CNBD1: variants seen among roughly 807,000 people sequenced by gnomAD.
CNBD1 encodes the protein cyclic nucleotide-binding domain-containing protein 1.
CNBD1 carries 71 observed loss-of-function variants against 54.4 expected under a neutral mutation model. That is an observed-to-expected ratio of 1.30 (90% confidence interval 1.08 to 1.59). The LOEUF (loss-of-function observed/expected upper bound fraction) is 1.59. CNBD1 is among the 40% of genes most tolerant of loss of function. The pLI, the probability that CNBD1 is intolerant of heterozygous loss-of-function variation, is 0.00. For synonymous variants in CNBD1, 182 were observed against 170.7 expected, an observed-to-expected ratio of 1.07 and a Z score of -0.51; for missense variants, 659 against 518.0, an observed-to-expected ratio of 1.27 and a Z score of -2.64.
At chr8:87,279,263 A>G (rs1186249972) in intron 6 of CNBD1, among the ~76,000 whole-genome samples, 1 of 151,568 alleles carries the variant, frequency 6.6e-6, no homozygotes, top group South Asian at 2.1e-4. Flanking sequence ...ACTAATCAAC[A>G]AAATGATAAT....
At chr8:87,269,232 G>A (rs1349993795) in intron 6 of CNBD1, among the ~76,000 whole-genome samples, 1 of 151,892 alleles carries the variant, frequency 6.6e-6, no homozygotes, top group East Asian at 1.9e-4. Flanking sequence ...GGTGGCTGTA[G>A]GTATATGGCT....
intron 10 of CNBD1, among the ~76,000 whole-genome samples, chr8:87,356,132 AC>A (rs1810415554): frequency 6.6e-6 from 1 of 152,118 alleles, no homozygotes; most frequent in South Asian, 2.1e-4. Context: ...AGCCAAATAA[AC>A]TTCTTTTCTT....
chr8:87,397,843 G>A (rs934204530), intron 2 of CNBD1, among the ~76,000 whole-genome samples: 3 of 152,070 alleles, frequency 2.0e-5, no homozygotes, highest in Middle Eastern at 3.4e-3. Flanking sequence ...TTCCCATGTT[G>A]TTCTCATGAT....
intron 2 of CNBD1, among the ~76,000 whole-genome samples, chr8:87,412,784 A>G (rs1465265844): frequency 6.6e-6 from 1 of 151,212 alleles, no homozygotes; most frequent in Non-Finnish European, 1.5e-5. Flanking sequence ...TTTAAAGGGG[A>G]AACATCAAGA....
intron 4 of CNBD1, among the ~76,000 whole-genome samples, chr8:86,963,644 G>T (rs1449537595): frequency 1.3e-5 from 2 of 152,178 alleles, no homozygotes; most frequent in Non-Finnish European, 1.5e-5. Flanking sequence ...CTACGAAGGT[G>T]ACAACTAAGA....
chr8:87,205,291 C>G (rs936009558), intron 4 of CNBD1, among the ~76,000 whole-genome samples: 1 of 152,116 alleles, frequency 6.6e-6, no homozygotes, highest in African/African-American at 2.4e-5. Context: ...CTCGGCCTCC[C>G]AAAGTGCTAG....
At chr8:87,332,752 C>T (rs1036983006) in intron 8 of CNBD1, among the ~76,000 whole-genome samples, 3 of 152,082 alleles carry the variant, frequency 2.0e-5, no homozygotes, top group African/African-American at 7.2e-5. Context: ...TGTTTTTGTA[C>T]AAGTACCATG....
At chr8:87,115,474 G>A (rs1811749464) in intron 4 of CNBD1, among the ~76,000 whole-genome samples, 1 of 152,102 alleles carries the variant, frequency 6.6e-6, no homozygotes. Flanking sequence ...ATGAAAATGG[G>A]CAGATTTTCA....
chr8:87,382,514 C>T (rs934995380), intron 10 of CNBD1, 106 bp from the exon 11 acceptor site: 7 of 808,974 alleles, frequency 8.7e-6, no homozygotes, highest in Non-Finnish European at 1.4e-5. Context: ...AAGCATAACC[C>T]CTCTGACTCA....
At chr8:86,968,440 T>C (rs1421417487) in intron 4 of CNBD1, among the ~76,000 whole-genome samples, 1 of 152,166 alleles carries the variant, frequency 6.6e-6, no homozygotes, top group Non-Finnish European at 1.5e-5. Context: ...TTTTCTCTTT[T>C]AGAGACAAGA....
intron 4 of CNBD1, among the ~76,000 whole-genome samples, chr8:87,025,908 T>G (rs1031331420): frequency 3.9e-5 from 6 of 152,162 alleles, no homozygotes; most frequent in African/African-American, 1.4e-4. Context: ...CAGGATGAAT[T>G]GATGAGGATG....
chr8:86,947,339 G>T (rs563775069), intron 4 of CNBD1, among the ~76,000 whole-genome samples: 1 of 152,156 alleles, frequency 6.6e-6, no homozygotes, highest in African/African-American at 2.4e-5. Context: ...TCCATTTGTG[G>T]TTCTGAGGAA....
intron 4 of CNBD1, among the ~76,000 whole-genome samples, chr8:87,024,238 C>CA (rs1337825731): frequency 1.1e-4 from 5 of 45,016 alleles, no homozygotes; most frequent in Admixed American, 2.3e-4. Context: ...GACTCCATCT[C>CA]AAAAAAAAAG....
intron 10 of CNBD1, among the ~76,000 whole-genome samples, chr8:87,366,235 C>A (rs780604827): frequency 6.6e-5 from 10 of 152,064 alleles, no homozygotes; most frequent in Non-Finnish European, 1.5e-4. Flanking sequence ...TGGCTAAAAT[C>A]TAAGTGTTGG....
rs1377400661 is a variant in CNBD1 at position 87,382,711 on chromosome 8, T to A, written c.*84T>A. The A allele has an allele frequency of 4.7e-6, 5 of 1,060,286 alleles. No individual in the cohort carries two copies. The highest frequency in any genetic ancestry group is 5.6e-6 in the Non-Finnish European group (4 of 720,480). 65.7% of individuals were successfully genotyped at this position (1,060,286 alleles called of 1,614,324 possible). On this transcript the variant is annotated 3_prime_UTR_variant, in exon 11 of 11. Coordinates refer to ENST00000518476, the MANE Select transcript of CNBD1 (RefSeq NM_173538.3). The stretch of plus-strand genomic sequence containing the variant: ...ATTGCATTCTGGAATACTATCAAAC[T>A]ACCAGCAATGAATTTGGTCTATTGT...
intron 5 of CNBD1, among the ~76,000 whole-genome samples, chr8:87,215,126 A>G (rs1355116444): frequency 6.6e-6 from 1 of 152,216 alleles, no homozygotes; most frequent in African/African-American, 2.4e-5. Context: ...TGTGCATATC[A>G]TTATAATAGA....
chr8:87,419,038 A>G (rs1807882015), intron 2 of CNBD1, among the ~76,000 whole-genome samples: 1 of 151,940 alleles, frequency 6.6e-6, no homozygotes, highest in Non-Finnish European at 1.5e-5. Context: ...ACAGTGCCAA[A>G]GTGTAAACAA....
intron 4 of CNBD1, among the ~76,000 whole-genome samples, chr8:87,107,722 C>T (rs972093045): frequency 7.1e-5 from 10 of 140,152 alleles, no homozygotes; most frequent in Admixed American, 2.9e-4. Flanking sequence ...AAATCACTCC[C>T]TTTTAGTTGT....
chr8:87,352,282 C>G (rs1810314623), intron 9 of CNBD1, among the ~76,000 whole-genome samples: 1 of 152,004 alleles, frequency 6.6e-6, no homozygotes, highest in South Asian at 2.1e-4. Context: ...AGATCGAGAC[C>G]ATCCTGGCCA....
Sources: gnomAD v4.1 joint callset for allele counts (sites outside exome capture counted in the v4.1 genomes callset) on GRCh38, gnomAD v4.1.1 for gene constraint, MANE v1.5 for transcripts, NCBI Gene and HGNC (gene_info 2026-07-23, HGNC 2026-07-21) for gene names.